Variants in CBLB observed in about 807,000 individuals in gnomAD.
CBLB encodes the protein Cbl proto-oncogene B, also known as E3 ubiquitin-protein ligase CBL-B.
CBLB carries 31 observed loss-of-function variants against 104.9 expected under a neutral mutation model. That is an observed-to-expected ratio of 0.30 (90% confidence interval 0.22 to 0.40). CBLB has a LOEUF of 0.40. CBLB is among the 10% of genes least tolerant of loss of function. CBLB has a pLI of 1.00. For missense variants in CBLB, 1,062 were observed against 1,214.6 expected, an observed-to-expected ratio of 0.87 and a Z score of 1.87; for synonymous variants, 440 against 422.6, an observed-to-expected ratio of 1.04 and a Z score of -0.51.
At chr3:105,752,531 G>A (rs958806974) in intron 4 of CBLB, among the ~76,000 whole-genome samples, 2 of 152,120 alleles carry the variant, frequency 1.3e-5, no homozygotes, top group African/African-American at 4.8e-5. Flanking sequence ...CAACAGAATA[G>A]CATAAAAGCC....
intron 4 of CBLB, among the ~76,000 whole-genome samples, chr3:105,759,192 G>A (rs1027088028): frequency 6.6e-6 from 1 of 152,202 alleles, no homozygotes; most frequent in Non-Finnish European, 1.5e-5. Flanking sequence ...CTCAAATTGG[G>A]TAGCTTCTTC....
intron 3 of CBLB, among the ~76,000 whole-genome samples, chr3:105,843,366 T>C (rs2089813401): frequency 6.6e-6 from 1 of 152,232 alleles, no homozygotes; most frequent in South Asian, 2.1e-4. Context: ...TGGAAAACAC[T>C]TCCCAATTAT....
At chr3:105,869,016 C>G (rs1420332206), upstream of CBLB, 20 of 1,088,864 alleles carry the variant, frequency 1.8e-5, no homozygotes, top group East Asian at 3.1e-4. Flanking sequence ...GCTGGACACC[C>G]CACCCCTGTG....
At chr3:105,758,504 C>T (rs777296368) in intron 4 of CBLB, among the ~76,000 whole-genome samples, 4 of 152,204 alleles carry the variant, frequency 2.6e-5, no homozygotes, top group Non-Finnish European at 5.9e-5. Context: ...CGCCATTACC[C>T]GAGTTTTGCT....
At position 105,693,682 on chromosome 3, in the gene CBLB, G is replaced by A. The variant is rs2068002248; in HGVS notation, c.1960-94C>T. 7.6e-6 allele frequency: 6 copies of A among 791,840 alleles called. No individual in the cohort carries two copies. The East Asian group carries it at 1.3e-4, about 17-fold the overall frequency. The allele number at this position is 791,840 out of a possible 1,614,324, so 49.1% of individuals were successfully genotyped here. ...CTACCATTCTGAAGACAATATGTAA[G>A]TTCAGTATATTTAAATAAGTGAAAT... On this transcript the variant is annotated intron_variant, in intron 12 of 18. Coordinates refer to ENST00000394030, the MANE Select transcript of CBLB (RefSeq NM_170662.5).
chr3:105,791,904 T>C (rs562554138), intron 3 of CBLB, among the ~76,000 whole-genome samples: 2 of 152,360 alleles, frequency 1.3e-5, no homozygotes, highest in Admixed American at 6.5e-5. Flanking sequence ...ATATTTTATA[T>C]ATGCCACAAG....
chr3:105,689,285 T>C (rs2067378033), intron 13 of CBLB, among the ~76,000 whole-genome samples: 1 of 151,810 alleles, frequency 6.6e-6, no homozygotes, highest in African/African-American at 2.4e-5. Flanking sequence ...TCTCTGTTTA[T>C]GGAACCAAAA....
At chr3:105,743,354 G>T (rs1396602013) in intron 6 of CBLB, among the ~76,000 whole-genome samples, 1 of 151,900 alleles carries the variant, frequency 6.6e-6, no homozygotes, top group African/African-American at 2.4e-5. Flanking sequence ...CAGCTACTCA[G>T]GAGGCTGAGG....
chr3:105,667,924 G>A (rs2064652543), intron 18 of CBLB, among the ~76,000 whole-genome samples: 1 of 152,100 alleles, frequency 6.6e-6, no homozygotes, highest in Admixed American at 6.6e-5. Flanking sequence ...AATCCTAAAG[G>A]CGCATATGCA....
intron 9 of CBLB, among the ~76,000 whole-genome samples, chr3:105,728,902 G>A (rs1867189): frequency 0.25 from 37,546 of 151,984 alleles, 4,845 homozygotes; most frequent in Non-Finnish European, 0.28. Flanking sequence ...CAGCTACTGC[G>A]CATTTCTTAA....
intron 13 of CBLB, among the ~76,000 whole-genome samples, chr3:105,692,190 A>G (rs1166259267): frequency 6.6e-6 from 1 of 152,208 alleles, no homozygotes; most frequent in Non-Finnish European, 1.5e-5. Flanking sequence ...TAAAATTTAA[A>G]TCAATAAACC....
chr3:105,740,249 T>C (rs138707819), intron 7 of CBLB, among the ~76,000 whole-genome samples: 45 of 152,342 alleles, frequency 3.0e-4, no homozygotes, highest in African/African-American at 1.0e-3. Context: ...GTTTTTATCA[T>C]ATGAAAGATA....
intron 3 of CBLB, among the ~76,000 whole-genome samples, chr3:105,784,520 T>C (rs2080722200): frequency 6.6e-6 from 1 of 152,240 alleles, no homozygotes; most frequent in African/African-American, 2.4e-5. Context: ...ACAAATTTTT[T>C]AAACAAATCT....
chr3:105,712,605 ATACT>A (rs2071273470), intron 10 of CBLB, among the ~76,000 whole-genome samples: 1 of 152,174 alleles, frequency 6.6e-6, no homozygotes, highest in Non-Finnish European at 1.5e-5. Flanking sequence ...ACTTTAGATA[ATACT>A]TAATCATTTC....
At chr3:105,730,442 G>A (rs1364898658) in intron 9 of CBLB, among the ~76,000 whole-genome samples, 1 of 152,030 alleles carries the variant, frequency 6.6e-6, no homozygotes, top group Non-Finnish European at 1.5e-5. Context: ...TTTATTTAAT[G>A]TACTTTTAGA....
chr3:105,766,945 C>T (rs2078292791), intron 4 of CBLB, among the ~76,000 whole-genome samples: 1 of 152,080 alleles, frequency 6.6e-6, no homozygotes, highest in Non-Finnish European at 1.5e-5. Context: ...CTGTCTTCCC[C>T]AAACTGAATA....
intron 9 of CBLB, among the ~76,000 whole-genome samples, chr3:105,721,679 C>G (rs952189420): frequency 2.0e-5 from 3 of 152,016 alleles, no homozygotes; most frequent in African/African-American, 7.2e-5. Context: ...GTCCAGGGGG[C>G]TTCAAAACAC....
chr3:105,720,324 C>A (rs1196256729), intron 9 of CBLB, 74 bp from the exon 10 acceptor site: 4 of 1,399,298 alleles, frequency 2.9e-6, no homozygotes, highest in Non-Finnish European at 4.0e-6. Flanking sequence ...TAATGTTCTA[C>A]AACTATAAAA....
chr3:105,868,063 A>G, intron 1 of CBLB: 3 of 505,334 alleles, frequency 5.9e-6, no homozygotes, highest in African/African-American at 2.2e-5. Flanking sequence ...TCCAAGTTAC[A>G]TAAACATAAA....
Sources: allele counts gnomAD v4.1 joint callset (sites outside exome capture counted in the v4.1 genomes callset), GRCh38; gene constraint gnomAD v4.1.1; transcripts MANE v1.5; gene names NCBI Gene and HGNC (gene_info 2026-07-23, HGNC 2026-07-21).